Variants in SNX29 observed in about 807,000 individuals in gnomAD.
The protein encoded by SNX29 is sorting nexin-29.
SNX29 carries 78 observed loss-of-function variants against 102.1 expected under a neutral mutation model. The ratio of observed to expected loss-of-function variants is 0.76; its 90% CI spans 0.64 to 0.92. The LOEUF (loss-of-function observed/expected upper bound fraction) is 0.92, where lower values mean the gene tolerates loss of function less well. Ranked by LOEUF, SNX29 falls within the 40% of genes least tolerant of loss-of-function variation. The pLI, the probability that SNX29 is intolerant of heterozygous loss-of-function variation, is 0.00. For missense variants in SNX29, 1,280 were observed against 1,061.7 expected, an observed-to-expected ratio of 1.21 and a Z score of -2.86; for synonymous variants, 580 against 414.5, an observed-to-expected ratio of 1.40 and a Z score of -4.85.
intron 20 of SNX29, among the ~76,000 whole-genome samples, chr16:12,552,676 C>G (rs759617801): frequency 6.6e-6 from 1 of 152,044 alleles, no homozygotes; most frequent in Non-Finnish European, 1.5e-5. Flanking sequence ...CCATGCAGGG[C>G]GTTTACAAGG....
intron 19 of SNX29, among the ~76,000 whole-genome samples, chr16:12,518,880 C>G (rs1597708032): frequency 6.6e-6 from 1 of 152,202 alleles, no homozygotes; most frequent in African/African-American, 2.4e-5. Context: ...AGGTCTCTGA[C>G]AGCCTCAGGG....
intron 11 of SNX29, among the ~76,000 whole-genome samples, chr16:12,109,836 T>C (rs1567214420): frequency 6.6e-6 from 1 of 152,068 alleles, no homozygotes; most frequent in African/African-American, 2.4e-5. Context: ...GTTCAAGCAG[T>C]TCTCCTGCCT....
chr16:12,013,488 G>GAAAAAAAAAAAAA (rs564156499), intron 3 of SNX29, among the ~76,000 whole-genome samples: 3 of 12,978 alleles, frequency 2.3e-4, no homozygotes, highest in African/African-American at 5.8e-4. Flanking sequence ...TCTACTGGGG[G>GAAAAAAAAAAAAA]AAAAAAAAAA....
In SNX29 at chr16:12,568,551, A is replaced by G. The variant is rs777998540; in HGVS notation, c.2364A>G (p.Ala788=). 1.4e-5 allele frequency: 22 copies of G among 1,609,468 alleles called. No homozygotes were observed. In the Admixed American group the frequency reaches 2.3e-4, roughly 17 times the overall value. The change falls in exon 21 of 21, where the codon GCA becomes GCG. Residue 788 remains alanine, a synonymous_variant. Coordinates refer to ENST00000566228, the MANE Select transcript of SNX29 (RefSeq NM_032167.5). ...AGCCTGTGAACAGCCGGCCCAAAGCAGCTTCCCGCTTCCCCAAACTGTCCC... is the reference window on the plus strand; with the variant it reads ...AGCCTGTGAACAGCCGGCCCAAAGCGGCTTCCCGCTTCCCCAAACTGTCCC... ...PGEPVNSRPK[A]ASRFPKLSRG...
At position 12,568,848 on chromosome 16, in the gene SNX29, A is replaced by C. The variant is rs898763641; in HGVS notation, c.*219A>C. On this transcript the variant is annotated 3_prime_UTR_variant, in exon 21 of 21. Coordinates refer to ENST00000566228, the MANE Select transcript of SNX29 (RefSeq NM_032167.5). ...AGACCAAGGCAGCACCTCGCTGGAG[A>C]GACTGGGACACACAGTCCTTCTGCT... 15 of 670,458 alleles carry C rather than the reference A, an allele frequency of 2.2e-5. No homozygotes were observed. The highest frequency in any genetic ancestry group is 3.6e-5 in the Non-Finnish European group (15 of 413,048). The allele number at this position is 670,458 out of a possible 1,614,324, so 41.5% of individuals were successfully genotyped here. A position where few individuals can be genotyped will look rare whatever the true frequency, so the allele number is the denominator to read the frequency against.
At chr16:12,506,551 G>A (rs927819944) in intron 19 of SNX29, among the ~76,000 whole-genome samples, 1 of 152,218 alleles carries the variant, frequency 6.6e-6, no homozygotes, top group Non-Finnish European at 1.5e-5. Context: ...GTGATACGGA[G>A]GGAATAGCAT....
chr16:12,364,383 T>C (rs746092868), intron 16 of SNX29, among the ~76,000 whole-genome samples: 1 of 151,610 alleles, frequency 6.6e-6, no homozygotes, highest in Non-Finnish European at 1.5e-5. Flanking sequence ...GAACAGGAGT[T>C]TGGGATTAAG....
chr16:12,527,726 GTGGGAAGCC>G (rs1284803916), intron 20 of SNX29, among the ~76,000 whole-genome samples: 1 of 152,158 alleles, frequency 6.6e-6, no homozygotes, highest in African/African-American at 2.4e-5. Context: ...TGGGATGGAG[GTGGGAAGCC>G]TGCACCCTGT....
rs1163824420 is a variant in SNX29 at position 12,570,956 on chromosome 16, C to G, written c.*2327C>G. 1.7e-5 allele frequency: 4 copies of G among 232,036 alleles called. No homozygotes were observed. Among genetic ancestry groups the G allele is most frequent in the African/African-American group, 4.4e-5 (2 of 45,276 alleles). 14.4% of individuals were successfully genotyped at this position (232,036 alleles called of 1,614,324 possible). ...CCTGGGAGCCACATGGGGACCATCC[C>G]CAGCTGCCTGCTCCTGGTACCTCCC... is the stretch of plus-strand genomic sequence containing the variant. On this transcript the variant is annotated 3_prime_UTR_variant, in exon 21 of 21. Transcript: ENST00000566228.
chr16:12,253,252 C>T (rs2078473971), intron 14 of SNX29, among the ~76,000 whole-genome samples: 2 of 152,172 alleles, frequency 1.3e-5, no homozygotes, highest in Admixed American at 1.3e-4. Flanking sequence ...TCATTCATAG[C>T]ACCTTTCAAT....
At chr16:12,257,548 A>G (rs1567364726) in intron 14 of SNX29, among the ~76,000 whole-genome samples, 2 of 151,884 alleles carry the variant, frequency 1.3e-5, no homozygotes, top group Non-Finnish European at 2.9e-5. Context: ...TTGCTCTGCC[A>G]TCCAGCCTGG....
intron 18 of SNX29, among the ~76,000 whole-genome samples, chr16:12,453,903 A>G (rs1247989980): frequency 6.6e-6 from 1 of 152,180 alleles, no homozygotes; most frequent in East Asian, 1.9e-4. Flanking sequence ...TTGGATGTAT[A>G]GGAGTGTGGC....
At chr16:12,445,008 G>A (rs12924834) in intron 18 of SNX29, among the ~76,000 whole-genome samples, 40,928 of 151,614 alleles carry the variant, frequency 0.27, 6,085 homozygotes, top group African/African-American at 0.41. Flanking sequence ...CTGCCACCAC[G>A]CCCAGCTAAT....
chr16:12,553,288 G>A (rs1471273013), intron 20 of SNX29, among the ~76,000 whole-genome samples: 5 of 152,218 alleles, frequency 3.3e-5, no homozygotes, highest in South Asian at 2.1e-4. Context: ...AGAGTAAGAG[G>A]AAAATGAGTG....
At chr16:12,394,799 C>A (rs1009221753) in intron 16 of SNX29, among the ~76,000 whole-genome samples, 1 of 152,218 alleles carries the variant, frequency 6.6e-6, no homozygotes, top group Non-Finnish European at 1.5e-5. Context: ...ATCTTTACTT[C>A]CTCTGTGTTT....
At chr16:12,009,477 G>GTATA (rs1446528774) in intron 3 of SNX29, among the ~76,000 whole-genome samples, 13 of 139,836 alleles carry the variant, frequency 9.3e-5, no homozygotes, top group Non-Finnish European at 1.8e-4. Context: ...GTGTGTGTGT[G>GTATA]TGTATATATA....
intron 20 of SNX29, among the ~76,000 whole-genome samples, chr16:12,566,514 G>C (rs1310805595): frequency 1.3e-5 from 2 of 152,226 alleles, no homozygotes; most frequent in African/African-American, 2.4e-5. Flanking sequence ...TGGCTGCTCA[G>C]ACCCCGCATC....
intron 20 of SNX29, among the ~76,000 whole-genome samples, chr16:12,553,825 A>G (rs1329494835): frequency 6.6e-6 from 1 of 151,576 alleles, no homozygotes; most frequent in Non-Finnish European, 1.5e-5. Context: ...TGACCTTGTG[A>G]TCCACCCACC....
intron 14 of SNX29, among the ~76,000 whole-genome samples, chr16:12,264,454 G>C (rs2078867271): frequency 6.6e-6 from 1 of 152,194 alleles, no homozygotes; most frequent in Non-Finnish European, 1.5e-5. Flanking sequence ...AGAATGAATT[G>C]CAGAAGTCAC....
Sources: gnomAD v4.1 joint callset for allele counts (sites outside exome capture counted in the v4.1 genomes callset) on GRCh38, gnomAD v4.1.1 for gene constraint, MANE v1.5 for transcripts, NCBI Gene and HGNC (gene_info 2026-07-23, HGNC 2026-07-21) for gene names.